FBXL13: variants seen among roughly 807,000 people sequenced by gnomAD.
FBXL13 encodes the protein F-box and leucine rich repeat protein 13, also known as F-box and leucine-rich repeat protein 13.
A neutral mutation model predicts 83.6 loss-of-function variants in FBXL13; 67 were observed. That is an observed-to-expected ratio of 0.80 (90% confidence interval 0.66 to 0.98). The LOEUF is 0.98. FBXL13 is among the 50% of genes least tolerant of loss of function. The pLI is 0.00. For synonymous variants in FBXL13, 272 were observed against 299.5 expected, an observed-to-expected ratio of 0.91 and a Z score of 0.95; for missense variants, 822 against 866.5, an observed-to-expected ratio of 0.95 and a Z score of 0.64.
At chr7:102,895,198 G>A (rs1244513021) in intron 11 of FBXL13, among the ~76,000 whole-genome samples, 1 of 152,210 alleles carries the variant, frequency 6.6e-6, no homozygotes, top group Non-Finnish European at 1.5e-5. Context: ...AATAGGGCAA[G>A]GAACGGCTTA....
chr7:103,004,424 T>C (rs1460777565), intron 6 of FBXL13, among the ~76,000 whole-genome samples: 4 of 152,214 alleles, frequency 2.6e-5, no homozygotes, highest in Admixed American at 1.3e-4. Flanking sequence ...CCATGGAGTG[T>C]GCCTCTTACA....
intron 8 of FBXL13, among the ~76,000 whole-genome samples, chr7:102,962,470 A>T: frequency 6.6e-6 from 1 of 152,222 alleles, no homozygotes; most frequent in Non-Finnish European, 1.5e-5. Flanking sequence ...TGACCCAGCC[A>T]TCCCATTACT....
At chr7:102,971,391 C>T (rs141385907) in intron 6 of FBXL13, among the ~76,000 whole-genome samples, 1 of 151,592 alleles carries the variant, frequency 6.6e-6, no homozygotes, top group Admixed American at 6.6e-5. Flanking sequence ...TAAGGTTGGG[C>T]GTTCGAGACC....
intron 8 of FBXL13, among the ~76,000 whole-genome samples, chr7:102,945,775 T>G (rs1227114294): frequency 6.6e-6 from 1 of 152,262 alleles, no homozygotes; most frequent in Non-Finnish European, 1.5e-5. Context: ...GAATACATTT[T>G]CATTTCTTGT....
At chr7:103,068,601 T>G (rs1008123638) in intron 1 of FBXL13, among the ~76,000 whole-genome samples, 1 of 152,202 alleles carries the variant, frequency 6.6e-6, no homozygotes, top group Admixed American at 6.5e-5. Flanking sequence ...AATGCACAGC[T>G]GCTTTTTTTC....
exon 13 of FBXL13, chr7:102,883,665 A>G: frequency 6.2e-7 from 1 of 1,608,258 alleles, no homozygotes; most frequent in Non-Finnish European, 8.5e-7. Context: ...ATGTAATACG[A>G]GAGCATTTTT....
chr7:103,032,561 A>G (rs1259083490), intron 2 of FBXL13, among the ~76,000 whole-genome samples: 1 of 152,226 alleles, frequency 6.6e-6, no homozygotes, highest in Non-Finnish European at 1.5e-5. Flanking sequence ...CAAGGACCAT[A>G]TATTTGCATT....
intron 17 of FBXL13, among the ~76,000 whole-genome samples, chr7:102,836,539 A>G (rs1253902083): frequency 6.6e-6 from 1 of 152,218 alleles, no homozygotes; most frequent in African/African-American, 2.4e-5. Context: ...ATGCAACACT[A>G]AATTTCTTCC....
At chr7:102,935,058 G>A (rs947786491) in intron 8 of FBXL13, among the ~76,000 whole-genome samples, 4 of 152,076 alleles carry the variant, frequency 2.6e-5, no homozygotes, top group African/African-American at 9.7e-5. Context: ...GACTTACACC[G>A]ATTAAAGCCA....
intron 1 of FBXL13, among the ~76,000 whole-genome samples, chr7:103,073,891 C>A (rs1799313690): frequency 6.6e-6 from 1 of 152,146 alleles, no homozygotes; most frequent in African/African-American, 2.4e-5. Flanking sequence ...TATCTTTGCT[C>A]GAACCTCCTA....
intron 4 of FBXL13, 57 bp from the exon 6 acceptor site, chr7:103,027,615 A>T (rs970717704): frequency 8.9e-7 from 1 of 1,127,512 alleles, no homozygotes; most frequent in Middle Eastern, 2.8e-4. Flanking sequence ...GTTTCCAAAA[A>T]ACACAAAGTG....
chr7:103,062,462 C>T (rs1164227835), intron 1 of FBXL13, among the ~76,000 whole-genome samples: 2 of 151,986 alleles, frequency 1.3e-5, no homozygotes, highest in African/African-American at 4.8e-5. Context: ...AAATAGAGGG[C>T]ACATTAAGCT....
At chr7:102,826,733 A>ATATATATG (rs1799712793) in intron 18 of FBXL13, among the ~76,000 whole-genome samples, 2 of 41,688 alleles carry the variant, frequency 4.8e-5, no homozygotes, top group Admixed American at 4.7e-4. Context: ...TCATATATAT[A>ATATATATG]TATATATATA....
rs926692580 is a variant in FBXL13, at chr7:102,832,699, G to A, written c.1854+141C>T. On this transcript the variant is annotated intron_variant, in intron 18 of 19. Transcript: ENST00000313221. ...TGGAATCATAAGCTATTTCCAATTT[G>A]AGGATAGAAGAAAAAAATCCAATGA... 11 of 1,012,696 alleles carry A rather than the reference G, an allele frequency of 1.1e-5. No homozygotes were observed. The African/African-American group carries it at 1.5e-4, about 14-fold the overall frequency. The allele number at this position is 1,012,696 out of a possible 1,614,324, so 62.7% of individuals were successfully genotyped here. A position where few individuals can be genotyped will look rare whatever the true frequency, so the allele number is the denominator to read the frequency against.
At chr7:102,953,853 G>A (rs998711522) in intron 8 of FBXL13, among the ~76,000 whole-genome samples, 1 of 152,030 alleles carries the variant, frequency 6.6e-6, no homozygotes, top group African/African-American at 2.4e-5. Context: ...AAATGCAGAT[G>A]TATTTAATAG....
At chr7:103,007,746 T>C (rs928716051) in intron 6 of FBXL13, among the ~76,000 whole-genome samples, 4 of 152,022 alleles carry the variant, frequency 2.6e-5, no homozygotes, top group African/African-American at 9.7e-5. Flanking sequence ...CTCCTTCCCA[T>C]AGAGTTCACA....
chr7:102,929,498 C>CA (rs963074191), intron 9 of FBXL13, among the ~76,000 whole-genome samples: 2 of 151,250 alleles, frequency 1.3e-5, no homozygotes, highest in African/African-American at 4.9e-5. Flanking sequence ...CCCATCTCTA[C>CA]AAAAAAAATT....
chr7:103,045,502 C>G (rs1334051849), intron 2 of FBXL13, among the ~76,000 whole-genome samples: 2 of 152,128 alleles, frequency 1.3e-5, no homozygotes, highest in Non-Finnish European at 2.9e-5. Flanking sequence ...TTGAAACATA[C>G]TGGGAAACAG....
intron 14 of FBXL13, among the ~76,000 whole-genome samples, chr7:102,881,436 CAAAAA>C (rs34979881): frequency 1.6e-5 from 1 of 61,414 alleles, no homozygotes; most frequent in Admixed American, 1.8e-4. Flanking sequence ...GACTCCATCT[CAAAAA>C]AAAAAAAAAA....
Sources: allele counts gnomAD v4.1 joint callset (sites outside exome capture counted in the v4.1 genomes callset), GRCh38; gene constraint gnomAD v4.1.1; transcripts MANE v1.5; gene names NCBI Gene and HGNC (gene_info 2026-07-23, HGNC 2026-07-21).